PITPNM3: variants seen among roughly 807,000 people sequenced by gnomAD.
PITPNM3 encodes membrane-associated phosphatidylinositol transfer protein 3.
A neutral mutation model predicts 102.0 loss-of-function variants in PITPNM3; 26 were observed. The ratio of observed to expected loss-of-function variants is 0.25; its 90% CI spans 0.19 to 0.35. The LOEUF is 0.35. Among genes scored for constraint, PITPNM3 ranks in the 10% least tolerant of loss-of-function variants. PITPNM3 has a pLI of 1.00. For missense variants in PITPNM3, 1,083 were observed against 1,346.1 expected, an observed-to-expected ratio of 0.80 and a Z score of 3.06; for synonymous variants, 578 against 558.6, an observed-to-expected ratio of 1.03 and a Z score of -0.49.
intron 3 of PITPNM3, among the ~76,000 whole-genome samples, chr17:6,509,085 G>C (rs1014155592): frequency 6.6e-6 from 1 of 152,206 alleles, no homozygotes; most frequent in Non-Finnish European, 1.5e-5. Flanking sequence ...GGGCTACAAG[G>C]AACTGGGAAG....
chr17:6,469,959 G>A lies in PITPNM3; in HGVS notation c.1773+301C>T, dbSNP rs150889366. ...CGAGGACATTGAGACTCAGTGGGGAGTGGGAACTGACTACTCCAGTCTCCA... is the reference window on the plus strand; with the variant it reads ...CGAGGACATTGAGACTCAGTGGGGAATGGGAACTGACTACTCCAGTCTCCA... On this transcript the variant is annotated intron_variant, in intron 13 of 19. Transcript: ENST00000262483. The surrounding 1 kb of genome is among the most constrained non-coding windows in gnomAD (Gnocchi z 4.0). Among the ~76,000 whole-genome samples the A allele has an allele frequency of 5.3e-5, 8 of 151,718 alleles. No homozygotes were observed. The highest frequency in any genetic ancestry group is 7.4e-5 in the Non-Finnish European group (5 of 67,996).
Position 6,525,438 on chromosome 17 carries a change from G to A in PITPNM3, c.144C>T (p.Ala48=). Reference sequence around the variant, plus strand: ...TCCACTGGCTCATCCCAATGAGGATGGCATTCTTCCCTTCAGCCATCTCCT... The same window carrying A: ...TCCACTGGCTCATCCCAATGAGGATAGCATTCTTCCCTTCAGCCATCTCCT... ...AREEMAEGKN[A]ILIGMSQWNS... is the part of the protein sequence containing the mutation. Residue 48 remains alanine, a synonymous_variant, in exon 3 of 20, where the codon GCC becomes GCT. Transcript: ENST00000262483. 6.2e-7 allele frequency: 1 copy of A among 1,614,174 alleles called. No homozygotes were observed. Among genetic ancestry groups the A allele is most frequent in the Non-Finnish European group, 8.5e-7 (1 of 1,180,020 alleles).
chr17:6,494,774 C>A (rs1044727291), intron 4 of PITPNM3, among the ~76,000 whole-genome samples: 1 of 152,184 alleles, frequency 6.6e-6, no homozygotes, highest in Non-Finnish European at 1.5e-5. Context: ...TGCAAAATGC[C>A]TTTGACCCAG....
intron 1 of PITPNM3, among the ~76,000 whole-genome samples, chr17:6,549,123 C>G (rs1910178268): frequency 6.6e-6 from 1 of 152,094 alleles, no homozygotes; most frequent in South Asian, 2.1e-4. Flanking sequence ...TGGAGAAGAG[C>G]TTCTCCAGGA....
intron 8 of PITPNM3, 123 bp downstream of exon 8, chr17:6,477,852 T>C: frequency 3.3e-6 from 5 of 1,538,070 alleles, no homozygotes; most frequent in Non-Finnish European, 2.7e-6. Context: ...AGCTGGATTA[T>C]GATACACTTC....
chr17:6,455,953 C>A (rs1166874501), intron 19 of PITPNM3, among the ~76,000 whole-genome samples: 1 of 151,886 alleles, frequency 6.6e-6, no homozygotes, highest in Non-Finnish European at 1.5e-5. Context: ...CTTTGGACAA[C>A]CATGCATCTC....
chr17:6,496,391 C>T (rs1346551590), intron 4 of PITPNM3, among the ~76,000 whole-genome samples: 1 of 152,162 alleles, frequency 6.6e-6, no homozygotes, highest in Non-Finnish European at 1.5e-5. Context: ...AGTTTTCGCA[C>T]ATCCCCTTTC....
In PITPNM3 at chr17:6,471,876, C is replaced by G. The variant is rs9902254; in HGVS notation, c.1430-521G>C. The stretch of plus-strand genomic sequence containing the variant: ...GGGGGAGGGAGGTTTCCAGCCTAGC[C>G]GACCTATTGAAGCTCCAGGCAGGCA... On this transcript the variant is annotated intron_variant, in intron 11 of 19. Coordinates refer to ENST00000262483, the MANE Select transcript of PITPNM3 (RefSeq NM_031220.4). Among the ~76,000 whole-genome samples the G allele has an allele frequency of 3.9e-5, 6 of 152,018 alleles. No homozygotes were observed. In the East Asian group the frequency reaches 1.2e-3, roughly 29 times the overall value.
intron 1 of PITPNM3, among the ~76,000 whole-genome samples, chr17:6,542,323 G>A (rs1909774840): frequency 6.6e-6 from 1 of 152,194 alleles, no homozygotes; most frequent in South Asian, 2.1e-4. Flanking sequence ...ATCTGTCCCT[G>A]TGTCTGCTTG....
intron 3 of PITPNM3, among the ~76,000 whole-genome samples, chr17:6,507,750 G>C (rs955766307): frequency 5.3e-5 from 8 of 152,170 alleles, no homozygotes; most frequent in African/African-American, 1.7e-4. Flanking sequence ...AGGCCCTGGA[G>C]GAGGGGAGGA....
At position 6,553,786 on chromosome 17, in the gene PITPNM3, C is replaced by T. The variant is rs569492434; in HGVS notation, c.22+2599G>A. On this transcript the variant is annotated intron_variant, in intron 1 of 19. Coordinates refer to ENST00000262483, the MANE Select transcript of PITPNM3 (RefSeq NM_031220.4). Reference sequence around the variant, plus strand: ...CAGAGTGAAGGCCTGATCATTCCTGCCCATCAGTCTGCCCATCCGAGGCAG... The same window carrying T: ...CAGAGTGAAGGCCTGATCATTCCTGTCCATCAGTCTGCCCATCCGAGGCAG... Among the ~76,000 whole-genome samples the T allele has an allele frequency of 5.3e-5, 8 of 152,198 alleles. No individual in the cohort carries two copies. The South Asian group carries it at 1.7e-3, about 32-fold the overall frequency.
At chr17:6,512,649 G>C (rs567449352) in intron 3 of PITPNM3, among the ~76,000 whole-genome samples, 1 of 152,248 alleles carries the variant, frequency 6.6e-6, no homozygotes, top group East Asian at 1.9e-4. Flanking sequence ...ACCACTCTTT[G>C]AGAAGCGTGT....
rs1567657666 is a variant in PITPNM3, at chr17:6,457,579, C to T, written c.2619+15G>A. On this transcript the variant is annotated intron_variant, in intron 19 of 19. Coordinates refer to ENST00000262483, the MANE Select transcript of PITPNM3 (RefSeq NM_031220.4). This position sits in a 1 kb window ranked among gnomAD's most constrained non-coding sequence, Gnocchi z 4.7. Reference sequence around the variant, plus strand: ...TCCCTCACAACTCCCCGCCTCCAGCCCCGCCTCCACCCACCTGGCACTGGG... The same window carrying T: ...TCCCTCACAACTCCCCGCCTCCAGCTCCGCCTCCACCCACCTGGCACTGGG... The T allele has an allele frequency of 1.9e-6, 3 of 1,613,102 alleles. No individual in the cohort carries two copies. Among genetic ancestry groups the T allele is most frequent in the Non-Finnish European group, 2.5e-6 (3 of 1,179,670 alleles).
At chr17:6,550,821 G>C (rs1402477737) in intron 1 of PITPNM3, among the ~76,000 whole-genome samples, 1 of 152,180 alleles carries the variant, frequency 6.6e-6, no homozygotes, top group Non-Finnish European at 1.5e-5. Flanking sequence ...GCCTCAAATG[G>C]GGGATAAGGG....
rs759362748 is a variant in PITPNM3 at position 6,455,647 on chromosome 17, C to CGGAGGGCAGG, written c.2620-14_2620-5dup. ...CGGCGTAGCCCTCGCTCAGGAACTG[C>CGGAGGGCAGG]GGAGGGCAGGGGAGGGCAGGGGAGG... On this transcript the variant is annotated splice_polypyrimidine_tract_variant and splice_region_variant and intron_variant, in intron 19 of 19. Transcript: ENST00000262483. The CGGAGGGCAGG allele has an allele frequency of 3.7e-4, 508 of 1,380,450 alleles. 2 individuals are homozygous for CGGAGGGCAGG. Among genetic ancestry groups the CGGAGGGCAGG allele is most frequent in the South Asian group, 1.9e-3 (163 of 85,836 alleles). 85.5% of individuals were successfully genotyped at this position (1,380,450 alleles called of 1,614,324 possible).
intron 19 of PITPNM3, among the ~76,000 whole-genome samples, chr17:6,456,386 C>A (rs1016527379): frequency 6.6e-6 from 1 of 152,048 alleles, no homozygotes; most frequent in African/African-American, 2.4e-5. Flanking sequence ...AAGTCCCTCC[C>A]GTCACGCAGC....
At chr17:6,483,442 A>G in intron 6 of PITPNM3, 75 bp downstream of exon 6, 1 of 1,417,062 alleles carries the variant, frequency 7.1e-7, no homozygotes, top group Admixed American at 1.9e-5. Flanking sequence ...CACGGGGTCC[A>G]TGCTGCAGGG....
chr17:6,522,986 G>C (rs1908624436), intron 3 of PITPNM3, among the ~76,000 whole-genome samples: 3 of 152,164 alleles, frequency 2.0e-5, no homozygotes, highest in Admixed American at 2.0e-4. Context: ...TGTGTGTTCT[G>C]TCATGTTGTG....
chr17:6,471,850 T>C (rs1012354906), intron 11 of PITPNM3, among the ~76,000 whole-genome samples: 1 of 151,962 alleles, frequency 6.6e-6, no homozygotes, highest in African/African-American at 2.4e-5. Flanking sequence ...GAGGGATCCA[T>C]GGGGGAGGGA....
Sources: allele counts gnomAD v4.1 joint callset (sites outside exome capture counted in the v4.1 genomes callset), GRCh38; gene constraint gnomAD v4.1.1; non-coding constraint Gnocchi (gnomAD v3.1); transcripts MANE v1.5; gene names NCBI Gene and HGNC (gene_info 2026-07-23, HGNC 2026-07-21).